The following PARD3B variants were observed in gnomAD, a reference collection of about 807,000 sequenced individuals.
PARD3B encodes par-3 family cell polarity regulator beta, also known as partitioning defective 3 homolog B.
PARD3B carries 103 observed loss-of-function variants against 130.2 expected under a neutral mutation model. The observed-to-expected ratio is 0.79, with a 90% CI of 0.67 to 0.93. PARD3B has a LOEUF of 0.93. PARD3B is among the 40% of genes least tolerant of loss of function. The pLI is 0.00. For synonymous variants in PARD3B, 583 were observed against 553.2 expected, an observed-to-expected ratio of 1.05 and a Z score of -0.76; for missense variants, 1,609 against 1,499.2, an observed-to-expected ratio of 1.07 and a Z score of -1.21.
intron 11 of PARD3B, among the ~76,000 whole-genome samples, chr2:205,159,974 C>T (rs1203476743): frequency 6.6e-6 from 1 of 152,160 alleles, no homozygotes; most frequent in Non-Finnish European, 1.5e-5. Context: ...AATGTCTATC[C>T]TCTCCCACAG....
chr2:204,717,021 T>C (rs1292992844), intron 2 of PARD3B, among the ~76,000 whole-genome samples: 2 of 152,118 alleles, frequency 1.3e-5, no homozygotes, highest in Non-Finnish European at 2.9e-5. Context: ...TGGAGTGGGG[T>C]ACTTGGGAGA....
At chr2:204,818,925 G>T (rs1037497278) in intron 2 of PARD3B, among the ~76,000 whole-genome samples, 1 of 152,094 alleles carries the variant, frequency 6.6e-6, no homozygotes, top group African/African-American at 2.4e-5. Context: ...GTTGAAGTGC[G>T]TTTTGGAACA....
chr2:205,459,551 C>T (rs1445139586), intron 20 of PARD3B, among the ~76,000 whole-genome samples: 1 of 152,146 alleles, frequency 6.6e-6, no homozygotes, highest in Non-Finnish European at 1.5e-5. Flanking sequence ...TTTGAATATA[C>T]AGTGATTTTG....
Position 205,291,800 on chromosome 2 carries a change from G to A in PARD3B, c.2186-8730G>A, listed in dbSNP as rs946456591. On this transcript the variant is annotated intron_variant, in intron 16 of 22. Coordinates refer to ENST00000406610, the MANE Select transcript of PARD3B (RefSeq NM_001302769.2). This position sits in a 1 kb window ranked among gnomAD's most constrained non-coding sequence, Gnocchi z 4.6. ...TGAAAAGTCTGAAAAAGCCTGTTTG[G>A]GAAAGAATACTAAGGATGTGGTCAA... Among the ~76,000 whole-genome samples, 5 of 152,168 alleles carry A rather than the reference G, an allele frequency of 3.3e-5. No homozygotes were observed. The highest frequency in any genetic ancestry group is 7.4e-5 in the Non-Finnish European group (5 of 68,020).
chr2:205,177,346 A>G (rs1576080599), intron 13 of PARD3B, among the ~76,000 whole-genome samples: 1 of 152,194 alleles, frequency 6.6e-6, no homozygotes, highest in Non-Finnish European at 1.5e-5. Flanking sequence ...GTAACATTTT[A>G]TGTATATCTT....
In PARD3B at chr2:205,470,946, G is replaced by T. The variant is rs1048251024; in HGVS notation, c.3045-28950G>T. On this transcript the variant is annotated intron_variant, in intron 20 of 22. Coordinates refer to ENST00000406610, the MANE Select transcript of PARD3B (RefSeq NM_001302769.2). This position sits in a 1 kb window ranked among gnomAD's most constrained non-coding sequence, Gnocchi z 4.8. The stretch of plus-strand genomic sequence containing the variant: ...GTGTTTCAAGTTTAAAACAAAGTGA[G>T]TTTTCAAGCCCAGGAATGATGTGAA... 6.6e-6 allele frequency among the ~76,000 whole-genome samples: 1 copy of T among 152,222 alleles called. No homozygotes were observed. Among genetic ancestry groups the T allele is most frequent in the African/African-American group, 2.4e-5 (1 of 41,458 alleles).
At chr2:205,376,829 C>T (rs1042593273) in intron 18 of PARD3B, among the ~76,000 whole-genome samples, 8 of 152,074 alleles carry the variant, frequency 5.3e-5, no homozygotes, top group Non-Finnish European at 2.9e-5. Flanking sequence ...GGGGGAACAG[C>T]TGTAAATTGA....
At chr2:205,394,828 C>T (rs778364495) in intron 18 of PARD3B, among the ~76,000 whole-genome samples, 10 of 152,042 alleles carry the variant, frequency 6.6e-5, no homozygotes, top group Non-Finnish European at 1.5e-4. Context: ...TAGCAGTTAC[C>T]AGGCACTGGA....
chr2:205,126,039 C>A (rs2031353590), intron 10 of PARD3B, among the ~76,000 whole-genome samples: 1 of 152,118 alleles, frequency 6.6e-6, no homozygotes, highest in Non-Finnish European at 1.5e-5. Flanking sequence ...ACGTGCGAAG[C>A]CCTAGGCAAA....
chr2:205,175,333 T>A (rs1272171359), intron 12 of PARD3B, among the ~76,000 whole-genome samples: 1 of 152,200 alleles, frequency 6.6e-6, no homozygotes, highest in Non-Finnish European at 1.5e-5. Flanking sequence ...CAGGCTCAGT[T>A]TGACTAGCAG....
At chr2:205,180,108 T>C (rs1470073778) in intron 13 of PARD3B, among the ~76,000 whole-genome samples, 2 of 151,900 alleles carry the variant, frequency 1.3e-5, no homozygotes, top group African/African-American at 4.8e-5. Context: ...CCTGTTTCTC[T>C]TTCTTCCAAA....
chr2:204,714,108 G>A (rs2038604969), intron 2 of PARD3B, among the ~76,000 whole-genome samples: 1 of 152,050 alleles, frequency 6.6e-6, no homozygotes, highest in South Asian at 2.1e-4. Flanking sequence ...TTCTTGTCCT[G>A]TACTACAGGG....
intron 1 of PARD3B, chr2:204,558,302 G>T (rs568932553): frequency 3.2e-4 from 49 of 152,264 alleles, no homozygotes; most frequent in African/African-American, 1.2e-3. Flanking sequence ...AAACCCCATT[G>T]TCTCAGCTCA....
At chr2:204,783,005 A>C (rs1232994996) in intron 2 of PARD3B, among the ~76,000 whole-genome samples, 1 of 151,984 alleles carries the variant, frequency 6.6e-6, no homozygotes, top group Non-Finnish European at 1.5e-5. Flanking sequence ...TTTCTGTTCT[A>C]TCTACCTGTT....
chr2:204,901,449 A>C (rs2046854364), intron 2 of PARD3B, among the ~76,000 whole-genome samples: 1 of 150,346 alleles, frequency 6.7e-6, no homozygotes, highest in African/African-American at 2.5e-5. Flanking sequence ...CAGTCAGCTT[A>C]TGGTAAATGC....
intron 3 of PARD3B, among the ~76,000 whole-genome samples, chr2:205,008,906 A>T (rs1695490821): frequency 6.6e-6 from 1 of 152,240 alleles, no homozygotes; most frequent in African/African-American, 2.4e-5. Flanking sequence ...TCAAAAATCA[A>T]GTACATGAGA....
chr2:205,150,890 CAGTT>C (rs1020310555), intron 10 of PARD3B, among the ~76,000 whole-genome samples: 14 of 152,034 alleles, frequency 9.2e-5, no homozygotes, highest in Admixed American at 2.6e-4. Flanking sequence ...GACACAATCT[CAGTT>C]AGGAGGAATA....
intron 16 of PARD3B, among the ~76,000 whole-genome samples, chr2:205,290,707 A>T (rs1380323399): frequency 6.6e-6 from 1 of 152,204 alleles, no homozygotes. Context: ...ATTGCTATAG[A>T]CAAAATGTTT....
chr2:205,176,724 T>G lies in PARD3B; in HGVS notation c.1924+147T>G, dbSNP rs184317664. 9.9e-4 allele frequency: 894 copies of G among 903,994 alleles called. 3 individuals are homozygous for G. The African/African-American group carries it at 0.013, about 13-fold the overall frequency. 56.0% of individuals were successfully genotyped at this position (903,994 alleles called of 1,614,324 possible). On this transcript the variant is annotated intron_variant, in intron 13 of 22. Coordinates refer to ENST00000406610, the MANE Select transcript of PARD3B (RefSeq NM_001302769.2). The surrounding 1 kb of genome is among the most constrained non-coding windows in gnomAD (Gnocchi z 5.3). The stretch of plus-strand genomic sequence containing the variant: ...CTCGGAGTCACAAACACTGAGAGAG[T>G]TGGGGGAGAGCTGACTCAGAACTTG...
Sources: allele counts gnomAD v4.1 joint callset (sites outside exome capture counted in the v4.1 genomes callset), GRCh38; gene constraint gnomAD v4.1.1; non-coding constraint Gnocchi (gnomAD v3.1); transcripts MANE v1.5; gene names NCBI Gene and HGNC (gene_info 2026-07-23, HGNC 2026-07-21).